The following LARGE1 variants were observed in gnomAD, a reference collection of about 807,000 sequenced individuals.
LARGE1 encodes LARGE xylosyl- and glucuronyltransferase 1, also known as xylosyl- and glucuronyltransferase LARGE1.
A neutral mutation model predicts 87.6 loss-of-function variants in LARGE1; 43 were observed. The ratio of observed to expected loss-of-function variants is 0.49; its 90% confidence interval spans 0.38 to 0.63. The LOEUF is 0.63. LARGE1 is among the 30% of genes least tolerant of loss of function. LARGE1 has a pLI of 0.00. For missense variants in LARGE1, 802 were observed against 1,000.2 expected (o/e 0.80, Z 2.67); for synonymous variants, 434 against 394.6 (o/e 1.10, Z -1.18).
At chr22:33,331,907 C>A (rs921656748) in intron 10 of LARGE1, among the ~76,000 whole-genome samples, 1 of 152,110 alleles carries the variant, frequency 6.6e-6, no homozygotes, top group Non-Finnish European at 1.5e-5. Context: ...AAGTCTTCCT[C>A]GATGCACCTT....
At chr22:33,624,539 C>T (rs2079859768) in intron 4 of LARGE1, among the ~76,000 whole-genome samples, 1 of 152,024 alleles carries the variant, frequency 6.6e-6, no homozygotes, top group Non-Finnish European at 1.5e-5. Flanking sequence ...AATGGGTAGA[C>T]AGAGCAGCAT....
chr22:33,451,166 G>A (rs2067901543), intron 6 of LARGE1, among the ~76,000 whole-genome samples: 1 of 152,040 alleles, frequency 6.6e-6, no homozygotes. Context: ...GTAAGACACT[G>A]CCTTTGAATA....
the LARGE1 span, chr22:33,109,358 A>G: frequency 6.6e-6 from 1 of 151,678 alleles, no homozygotes; most frequent in Non-Finnish European, 1.5e-5. Context: ...TCTGTTGTCC[A>G]GGCAGGAGTG....
chr22:33,154,277 G>A, the LARGE1 span, among the ~76,000 whole-genome samples: 1 of 151,968 alleles, frequency 6.6e-6, no homozygotes, highest in Non-Finnish European at 1.5e-5. Flanking sequence ...GTCTCACTCT[G>A]TTGCCCAGGT....
intron 6 of LARGE1, among the ~76,000 whole-genome samples, chr22:33,515,587 G>A (rs2071266550): frequency 6.6e-6 from 1 of 152,076 alleles, no homozygotes. Context: ...CAAGAACTCT[G>A]GACTCATCAA....
At chr22:33,301,097 C>T (rs958712200) in intron 12 of LARGE1, among the ~76,000 whole-genome samples, 1 of 152,084 alleles carries the variant, frequency 6.6e-6, no homozygotes, top group Non-Finnish European at 1.5e-5. Context: ...CAAACAGCAC[C>T]CTTAACCTCA....
chr22:33,766,806 TA>T (rs1409591332), intron 1 of LARGE1, among the ~76,000 whole-genome samples: 1 of 151,700 alleles, frequency 6.6e-6, no homozygotes, highest in South Asian at 2.1e-4. Flanking sequence ...TCCAAAGCAA[TA>T]AATTTTATAT....
intron 5 of LARGE1, among the ~76,000 whole-genome samples, chr22:33,566,117 T>TA (rs1181876002): frequency 6.6e-6 from 1 of 152,144 alleles, no homozygotes; most frequent in African/African-American, 2.4e-5. Flanking sequence ...GAGATGTTCT[T>TA]AAAAAAATTC....
intron 9 of LARGE1, among the ~76,000 whole-genome samples, chr22:33,345,784 G>A (rs558523580): frequency 1.3e-5 from 2 of 152,304 alleles, no homozygotes; most frequent in South Asian, 4.1e-4. Context: ...GCAGTTCAAA[G>A]GCAGAAACAA....
chr22:33,075,374 T>C, the LARGE1 span, among the ~76,000 whole-genome samples: 2 of 152,382 alleles, frequency 1.3e-5, no homozygotes, highest in Admixed American at 1.3e-4. Context: ...TTACTTAATT[T>C]GTTTTATCAA....
chr22:33,880,282 G>A (rs868522198), intron 1 of LARGE1, among the ~76,000 whole-genome samples: 4 of 152,294 alleles, frequency 2.6e-5, no homozygotes, highest in Admixed American at 6.5e-5. Flanking sequence ...CAGATCAGAC[G>A]AAAGAAAGGT....
intron 11 of LARGE1, among the ~76,000 whole-genome samples, chr22:33,306,883 A>G (rs1186610541): frequency 6.6e-6 from 1 of 151,008 alleles, no homozygotes; most frequent in Non-Finnish European, 1.5e-5. Flanking sequence ...AAAAAAGAAT[A>G]GAGAAAAAAT....
chr22:33,527,480 G>C (rs773518663), intron 6 of LARGE1, among the ~76,000 whole-genome samples: 4 of 152,176 alleles, frequency 2.6e-5, no homozygotes, highest in Non-Finnish European at 5.9e-5. Flanking sequence ...CAGAAATTCT[G>C]AACGGCCTTT....
chr22:33,631,612 T>C (rs1425812019), intron 3 of LARGE1, among the ~76,000 whole-genome samples: 1 of 152,058 alleles, frequency 6.6e-6, no homozygotes. Flanking sequence ...GGAGCTGTCA[T>C]CTCCTGCGAC....
At chr22:33,577,133 T>C (rs761707347) in intron 5 of LARGE1, among the ~76,000 whole-genome samples, 1 of 152,188 alleles carries the variant, frequency 6.6e-6, no homozygotes, top group Non-Finnish European at 1.5e-5. Context: ...TTTACTCTAC[T>C]GCATGCATTC....
chr22:33,275,596 C>T (rs1929092270), intron 14 of LARGE1, among the ~76,000 whole-genome samples: 1 of 152,158 alleles, frequency 6.6e-6, no homozygotes, highest in African/African-American at 2.4e-5. Flanking sequence ...ACAAAGAACC[C>T]CACCAACCGC....
intron 3 of LARGE1, among the ~76,000 whole-genome samples, chr22:33,636,478 G>A (rs1466397628): frequency 2.0e-5 from 3 of 152,154 alleles, no homozygotes; most frequent in Admixed American, 6.5e-5. Flanking sequence ...ATTTCAAGAC[G>A]TAACTCCACC....
Position 33,509,881 on chromosome 22 carries a change from G to A in LARGE1, c.787+54967C>T, listed in dbSNP as rs552528606. 6.0e-4 allele frequency among the ~76,000 whole-genome samples: 92 copies of A among 152,258 alleles called. 1 individual carries two copies. The highest frequency in any genetic ancestry group is 1.0e-3 in the Non-Finnish European group (70 of 68,032). On this transcript the variant is annotated intron_variant, in intron 6 of 14. Coordinates refer to ENST00000397394, the MANE Select transcript of LARGE1 (RefSeq NM_133642.5). Reference sequence around the variant, plus strand: ...CGCAGAGAGTGAAGGAAAAGTGAGCGGTGCATGTTTACCTGGGCTTCACCA... The same window carrying A: ...CGCAGAGAGTGAAGGAAAAGTGAGCAGTGCATGTTTACCTGGGCTTCACCA...
chr22:33,094,249 G>T, the LARGE1 span, among the ~76,000 whole-genome samples: 2 of 152,196 alleles, frequency 1.3e-5, no homozygotes, highest in Admixed American at 6.5e-5. Flanking sequence ...GACGAGAGCT[G>T]GTCATTTTGC....
Sources: allele counts gnomAD v4.1 joint callset (sites outside exome capture counted in the v4.1 genomes callset), GRCh38; gene constraint gnomAD v4.1.1; transcripts MANE v1.5; gene names NCBI Gene and HGNC (gene_info 2026-07-23, HGNC 2026-07-21).